Variants in RNF220 observed in about 807,000 individuals in gnomAD.
The protein encoded by RNF220 is E3 ubiquitin-protein ligase RNF220.
Under a neutral mutation model 67.1 loss-of-function variants are expected in RNF220, and 7 were observed. That is an observed-to-expected ratio of 0.10 (90% CI 0.06 to 0.20). The LOEUF is 0.20. Ranked by LOEUF, RNF220 falls within the 10% of genes least tolerant of loss-of-function variation. The pLI is 1.00. For missense variants in RNF220, 565 were observed against 740.3 expected (o/e 0.76, Z 2.75); for synonymous variants, 270 against 283.2 (o/e 0.95, Z 0.47).
At chr1:44,433,808 C>T (rs1650663461) in intron 2 of RNF220, among the ~76,000 whole-genome samples, 1 of 152,020 alleles carries the variant, frequency 6.6e-6, no homozygotes, top group Non-Finnish European at 1.5e-5. Context: ...ACTAAAAATA[C>T]AAACATTAGC....
intron 2 of RNF220, among the ~76,000 whole-genome samples, chr1:44,501,256 G>C (rs1039569722): frequency 6.6e-6 from 1 of 152,082 alleles, no homozygotes; most frequent in East Asian, 1.9e-4. Context: ...GCGGCTGTCA[G>C]TATGGGGAGG....
At chr1:44,414,641 A>C (rs560236042) in intron 2 of RNF220, among the ~76,000 whole-genome samples, 1 of 152,262 alleles carries the variant, frequency 6.6e-6, no homozygotes, top group South Asian at 2.1e-4. Flanking sequence ...CTCACACAGG[A>C]GTACGCCTGG....
intron 2 of RNF220, among the ~76,000 whole-genome samples, chr1:44,474,482 G>A (rs932583178): frequency 8.6e-5 from 13 of 151,446 alleles, no homozygotes; most frequent in African/African-American, 3.2e-4. Flanking sequence ...GCCAAGGAGG[G>A]AGAATCGCTT....
At chr1:44,642,274 C>T (rs1349700321) in intron 8 of RNF220, among the ~76,000 whole-genome samples, 1 of 152,226 alleles carries the variant, frequency 6.6e-6, no homozygotes, top group Non-Finnish European at 1.5e-5. Context: ...CGCAGAGCAC[C>T]ATGAGGATAG....
chr1:44,436,195 A>T (rs1650951356), intron 2 of RNF220, among the ~76,000 whole-genome samples: 1 of 151,826 alleles, frequency 6.6e-6, no homozygotes, highest in Non-Finnish European at 1.5e-5. Context: ...TAAGGATGTA[A>T]TCATAGTTGT....
At chr1:44,554,737 C>A (rs2148269107) in intron 2 of RNF220, among the ~76,000 whole-genome samples, 1 of 152,220 alleles carries the variant, frequency 6.6e-6, no homozygotes, top group East Asian at 1.9e-4. Flanking sequence ...AGTCTGAGTT[C>A]CAGCTGGAAT....
At chr1:44,443,770 C>T (rs1651796113) in intron 2 of RNF220, among the ~76,000 whole-genome samples, 1 of 152,050 alleles carries the variant, frequency 6.6e-6, no homozygotes, top group African/African-American at 2.4e-5. Context: ...ATATGATGAA[C>T]ACTCATGAAA....
chr1:44,452,849 A>G (rs536862334), intron 2 of RNF220, among the ~76,000 whole-genome samples: 6 of 152,126 alleles, frequency 3.9e-5, no homozygotes, highest in Admixed American at 2.0e-4. Context: ...GCTTTTATAC[A>G]TCTTCTCCCA....
chr1:44,500,377 C>G (rs1572691612), intron 2 of RNF220, among the ~76,000 whole-genome samples: 1 of 152,258 alleles, frequency 6.6e-6, no homozygotes, highest in East Asian at 1.9e-4. Flanking sequence ...TGGAGACTTC[C>G]CTAACACACC....
intron 2 of RNF220, among the ~76,000 whole-genome samples, chr1:44,526,932 G>T (rs184160337): frequency 6.4e-4 from 98 of 152,016 alleles, no homozygotes; most frequent in African/African-American, 2.2e-3. Context: ...CATCTCTTTG[G>T]ATCTTATCTA....
intron 2 of RNF220, among the ~76,000 whole-genome samples, chr1:44,571,783 G>A (rs1475072779): frequency 6.6e-6 from 1 of 152,208 alleles, no homozygotes; most frequent in African/African-American, 2.4e-5. Context: ...ACACACATAT[G>A]TCCAAAATGG....
intron 2 of RNF220, among the ~76,000 whole-genome samples, chr1:44,480,854 C>G (rs191378061): frequency 5.8e-4 from 88 of 152,072 alleles, no homozygotes; most frequent in Non-Finnish European, 6.6e-4. Context: ...ACACTGCACT[C>G]CAGCCTGGGC....
At chr1:44,548,033 C>T (rs1379306837) in intron 2 of RNF220, among the ~76,000 whole-genome samples, 3 of 152,122 alleles carry the variant, frequency 2.0e-5, no homozygotes, top group African/African-American at 4.8e-5. Flanking sequence ...CGAACAGTAC[C>T]GCTATTGTCC....
chr1:44,521,296 C>T (rs1176159005), intron 2 of RNF220, among the ~76,000 whole-genome samples: 1 of 152,218 alleles, frequency 6.6e-6, no homozygotes, highest in Non-Finnish European at 1.5e-5. Flanking sequence ...CATCTCCGGA[C>T]TATCAAGCAA....
chr1:44,594,892 T>C (rs944672507), intron 2 of RNF220, among the ~76,000 whole-genome samples: 25 of 151,978 alleles, frequency 1.6e-4, no homozygotes, highest in African/African-American at 6.0e-4. Flanking sequence ...GCTAAGCCCA[T>C]CTCCAAAAAA....
rs548746741 is a variant in RNF220, at chr1:44,513,825, C to T, written c.626-100340C>T. 1.2e-4 allele frequency among the ~76,000 whole-genome samples: 18 copies of T among 152,218 alleles called. No individual in the cohort carries two copies. The South Asian group carries it at 2.9e-3, about 25-fold the overall frequency. ...CTGTGTGCGTGTGTGCACACATGCC[C>T]GTGCAGCTGTCTCCCCAGGTATATG... On this transcript the variant is annotated intron_variant, in intron 2 of 14. Transcript: ENST00000361799.
intron 2 of RNF220, among the ~76,000 whole-genome samples, chr1:44,610,884 C>G (rs1643269501): frequency 1.3e-5 from 2 of 152,190 alleles, no homozygotes; most frequent in African/African-American, 4.8e-5. Flanking sequence ...CCACAGCCCC[C>G]TCGTCTTGGC....
chr1:44,629,264 A>G (rs919331388), intron 5 of RNF220, among the ~76,000 whole-genome samples: 5 of 152,382 alleles, frequency 3.3e-5, no homozygotes, highest in Admixed American at 2.0e-4. Flanking sequence ...TATTAAGCAA[A>G]GCAAGTCACA....
At chr1:44,543,053 A>G (rs1661802987) in intron 2 of RNF220, among the ~76,000 whole-genome samples, 1 of 152,140 alleles carries the variant, frequency 6.6e-6, no homozygotes, top group Admixed American at 6.5e-5. Context: ...CTCTGCCTGG[A>G]GACCATCGGA....
Sources: gnomAD v4.1 joint callset for allele counts (sites outside exome capture counted in the v4.1 genomes callset) on GRCh38, gnomAD v4.1.1 for gene constraint, MANE v1.5 for transcripts, NCBI Gene and HGNC (gene_info 2026-07-23, HGNC 2026-07-21) for gene names.